CTNS: variants seen among roughly 807,000 people sequenced by gnomAD.
The protein encoded by CTNS is cystinosin.
CTNS carries 27 observed loss-of-function variants against 43.7 expected under a neutral mutation model. The observed-to-expected ratio is 0.62, with a 90% CI of 0.46 to 0.85. CTNS has a LOEUF of 0.85. CTNS is among the 40% of genes least tolerant of loss of function. The pLI is 0.00. For missense variants in CTNS, 457 were observed against 475.4 expected (o/e 0.96, Z 0.36); for synonymous variants, 187 against 190.6 (o/e 0.98, Z 0.16).
chr17:3,656,541 C>T lies in CTNS; in HGVS notation c.516C>T (p.Ala172=), dbSNP rs143405190. ...CTCTGAACCTGACGGGCTTCGTGGC[C>T]TACAGTGTATTCAACATCGGCCTCC... is the stretch of plus-strand genomic sequence containing the variant. The part of the protein sequence containing the change: ...FVALNLTGFV[A]YSVFNIGLLW... Residue 172 remains alanine (A), a synonymous_variant, in exon 8 of 12, where the codon GCC becomes GCT. Transcript: ENST00000046640. 1.1e-4 allele frequency: 180 copies of T among 1,609,330 alleles called. 1 individual carries two copies. The African/African-American group carries it at 2.2e-3, about 20-fold the overall frequency.
In CTNS at chr17:3,656,762, G is replaced by A. The variant is rs772591288; in HGVS notation, c.648G>A (p.Thr216=). 3.1e-5 allele frequency: 50 copies of A among 1,613,258 alleles called. 1 individual carries two copies. The highest frequency in any genetic ancestry group is 3.1e-4 in the South Asian group (28 of 91,078). Residue 216 remains threonine (T), a synonymous_variant, in exon 9 of 12, where the codon ACG becomes ACA. Coordinates refer to ENST00000046640, the MANE Select transcript of CTNS (RefSeq NM_004937.3). ...VFFSLHAVVL[T]LIIIVQCCLY... The stretch of plus-strand genomic sequence containing the variant: ...TCAGCCTGCACGCGGTTGTCCTCAC[G>A]CTGATCATCATCGTGCAGTGCTGCC...
In CTNS at chr17:3,647,432, G is replaced by A. The variant is rs2075868822; in HGVS notation, c.62-12G>A. 3.1e-6 allele frequency: 5 copies of A among 1,613,046 alleles called. No homozygotes were observed. The highest frequency in any genetic ancestry group is 4.2e-6 in the Non-Finnish European group (5 of 1,179,008). Reference sequence around the variant, plus strand: ...ACCCAGTGCCTCATGTCATTGATTTGGGTCCTTCCAGAGTCAAGCGTCAGC... The same window carrying A: ...ACCCAGTGCCTCATGTCATTGATTTAGGTCCTTCCAGAGTCAAGCGTCAGC... On this transcript the variant is annotated splice_polypyrimidine_tract_variant and intron_variant, in intron 3 of 11. Transcript: ENST00000046640.
intron 2 of CTNS, among the ~76,000 whole-genome samples, chr17:3,637,669 G>C (rs1440382945): frequency 6.6e-6 from 1 of 152,100 alleles, no homozygotes; most frequent in Admixed American, 6.6e-5. Flanking sequence ...GATTCACCAT[G>C]TTGGCCAGGC....
At chr17:3,642,362 G>A (rs970626922) in intron 3 of CTNS, among the ~76,000 whole-genome samples, 1 of 152,092 alleles carries the variant, frequency 6.6e-6, no homozygotes, top group African/African-American at 2.4e-5. Flanking sequence ...CCTGCTGCAT[G>A]AGATCACTTT....
At chr17:3,659,138 G>T (rs1479130622) in intron 10 of CTNS, among the ~76,000 whole-genome samples, 1 of 152,166 alleles carries the variant, frequency 6.6e-6, no homozygotes, top group Non-Finnish European at 1.5e-5. Context: ...GACACAGACA[G>T]GGACTGACTA....
chr17:3,643,967 G>T (rs768499840), intron 3 of CTNS, among the ~76,000 whole-genome samples: 3 of 152,110 alleles, frequency 2.0e-5, no homozygotes, highest in African/African-American at 7.2e-5. Flanking sequence ...TGAGCCTGGC[G>T]GGGTCAAAGC....
At chr17:3,647,685 G>C (rs1181734079) in intron 4 of CTNS, 163 bp downstream of exon 4, 7 of 699,576 alleles carry the variant, frequency 1.0e-5, no homozygotes, top group Non-Finnish European at 1.8e-5. Flanking sequence ...CCGGGCTGCA[G>C]GATGGGATCG....
At chr17:3,643,424 A>T (rs551294553) in intron 3 of CTNS, among the ~76,000 whole-genome samples, 1 of 152,040 alleles carries the variant, frequency 6.6e-6, no homozygotes, top group Non-Finnish European at 1.5e-5. Context: ...AGAGAGGCCT[A>T]TAAGAATTAA....
At chr17:3,657,906 C>T (rs191279984) in intron 9 of CTNS, 99 bp from the exon 10 acceptor site, 10 of 1,403,810 alleles carry the variant, frequency 7.1e-6, no homozygotes, top group Admixed American at 6.7e-5. Flanking sequence ...GTCCAGCCTC[C>T]GTGCCCCTCT....
rs975065258 is a variant in CTNS at position 3,638,320 on chromosome 17, C to A, written c.-20+1004C>A. ...TGGTGCAATCTCGGCTCACTGCAAC[C>A]TCCACCTCCCGGGTTCAAGCGATTC... On this transcript the variant is annotated intron_variant, in intron 2 of 11. Transcript: ENST00000046640. Among the ~76,000 whole-genome samples the A allele has an allele frequency of 5.3e-5, 8 of 152,058 alleles. 1 individual carries two copies. Among genetic ancestry groups the A allele is most frequent in the African/African-American group, 1.7e-4 (7 of 41,490 alleles).
At position 3,660,605 on chromosome 17, in the gene CTNS, CTT is replaced by C. The variant is rs776692628; in HGVS notation, c.*239_*240del. 201 of 1,613,262 alleles carry C rather than the reference CTT, an allele frequency of 1.2e-4. No homozygotes were observed. The highest frequency in any genetic ancestry group is 1.7e-4 in the Non-Finnish European group (199 of 1,180,004). ...CACCGTCGCCTTGACACCGCCATCT[CTT>C]TTCTTTAAGGCTTCAGGCAGCGCGC... On this transcript the variant is annotated 3_prime_UTR_variant, in exon 12 of 12. Transcript: ENST00000046640.
chr17:3,655,502 G>C, intron 7 of CTNS, 150 bp downstream of exon 7: 2 of 1,193,656 alleles, frequency 1.7e-6, no homozygotes, highest in Non-Finnish European at 2.4e-6. Context: ...CGAAGGCTCG[G>C]AGAGCCTGGG....
chr17:3,641,393 T>A lies in CTNS; in HGVS notation c.61+1126T>A, dbSNP rs1229953977. 7.2e-5 allele frequency among the ~76,000 whole-genome samples: 7 copies of A among 96,590 alleles called. No homozygotes were observed. The South Asian group carries it at 1.5e-3, about 20-fold the overall frequency. 63.4% of individuals were successfully genotyped at this position (96,590 alleles called of 152,430 possible). ...ATATATATATATATATATTTTTTTT[T>A]TTTTTTTTTTTTTTTTGAGACAGAG... On this transcript the variant is annotated intron_variant, in intron 3 of 11. Coordinates refer to ENST00000046640, the MANE Select transcript of CTNS (RefSeq NM_004937.3).
intron 7 of CTNS, 171 bp downstream of exon 7, chr17:3,655,523 G>A (rs1033646986): frequency 3.3e-5 from 31 of 951,248 alleles, no homozygotes; most frequent in African/African-American, 9.7e-5. Flanking sequence ...TCGGATTCCC[G>A]TGCTGGGCGT....
chr17:3,641,004 C>T (rs547394232), intron 3 of CTNS, among the ~76,000 whole-genome samples: 2 of 152,206 alleles, frequency 1.3e-5, no homozygotes, highest in Non-Finnish European at 2.9e-5. Flanking sequence ...AAGAGGTAGC[C>T]ACCCTGTTGT....
At chr17:3,659,194 G>GT (rs201960729) in intron 10 of CTNS, among the ~76,000 whole-genome samples, 30 of 152,104 alleles carry the variant, frequency 2.0e-4, no homozygotes, top group Non-Finnish European at 2.4e-4. Context: ...CTGCCTCACG[G>GT]GGGGAAGGAA....
intron 4 of CTNS, chr17:3,647,723 C>A (rs1197010770): frequency 1.8e-5 from 11 of 619,030 alleles, no homozygotes; most frequent in Admixed American, 1.3e-4. Flanking sequence ...CCTGAGTCCT[C>A]ACTTTCCCTG....
rs2076267628 is a variant in CTNS, at chr17:3,660,969, G to T, written c.*600G>T. 1.6e-6 allele frequency: 1 copy of T among 615,208 alleles called. No homozygotes were observed. Among genetic ancestry groups the T allele is most frequent in the Non-Finnish European group, 2.8e-6 (1 of 353,238 alleles). The allele number at this position is 615,208 out of a possible 1,614,324, so 38.1% of individuals were successfully genotyped here. A position where few individuals can be genotyped will look rare whatever the true frequency, so the allele number is the denominator to read the frequency against. ...CCTACCCAGAGTATTTCTGAGCCAT[G>T]AGGGGCCCACCAGATTGGTTCTGAA... On this transcript the variant is annotated 3_prime_UTR_variant, in exon 12 of 12. Transcript: ENST00000046640.
At chr17:3,651,701 G>A (rs2075986845) in intron 5 of CTNS, among the ~76,000 whole-genome samples, 1 of 151,914 alleles carries the variant, frequency 6.6e-6, no homozygotes, top group African/African-American at 2.4e-5. Context: ...GCTGGGCACC[G>A]TGGGATTACA....
Sources: gnomAD v4.1 joint callset for allele counts (sites outside exome capture counted in the v4.1 genomes callset) on GRCh38, gnomAD v4.1.1 for gene constraint, MANE v1.5 for transcripts, NCBI Gene and HGNC (gene_info 2026-07-23, HGNC 2026-07-21) for gene names.